ZNF487: variants seen among roughly 807,000 people sequenced by gnomAD.
The protein encoded by ZNF487 is KRAB domain only 1.
ZNF487 carries 4 observed loss-of-function variants against 3.0 expected under a neutral mutation model. The ratio of observed to expected loss-of-function variants is 1.35; its 90% confidence interval spans 0.66 to 3.08. The LOEUF (loss-of-function observed/expected upper bound fraction) is 3.08. Among genes scored for constraint, ZNF487 ranks in the 30% most tolerant of loss-of-function variants. The pLI, the probability that ZNF487 is intolerant of heterozygous loss-of-function variation, is 0.01. For missense variants in ZNF487, 146 were observed against 98.7 expected (o/e 1.48, Z -2.03); for synonymous variants, 55 against 34.6 (o/e 1.59, Z -2.06).
rs113142214 is a variant in ZNF487, at chr10:43,483,018, T to C, written c.*1096T>C. On this transcript the variant is annotated 3_prime_UTR_variant, in exon 4 of 4. Coordinates refer to ENST00000437590, the MANE Select transcript of ZNF487 (RefSeq NM_001355444.3). ...ACCCTATGAATATAATGAAAGCTTT[T>C]ACCAGAATCCCAACTTCACTAAATG... 2.3e-4 allele frequency: 108 copies of C among 479,772 alleles called. No individual in the cohort carries two copies. In the Middle Eastern group the frequency reaches 2.6e-3, roughly 11 times the overall value. The allele number at this position is 479,772 out of a possible 1,614,324, so 29.7% of individuals were successfully genotyped here.
intron 1 of ZNF487, among the ~76,000 whole-genome samples, chr10:43,467,552 C>G (rs1840751200): frequency 6.6e-6 from 1 of 151,984 alleles, no homozygotes; most frequent in African/African-American, 2.4e-5. Context: ...CGTTGTGACT[C>G]ATGCCTGTAA....
At chr10:43,485,483 T>C (rs1327830703), downstream of ZNF487, among the ~76,000 whole-genome samples, 1 of 152,172 alleles carries the variant, frequency 6.6e-6, no homozygotes, top group Admixed American at 6.6e-5. Context: ...CTAAAATTGT[T>C]CTCTTTTTGC....
chr10:43,440,054 A>ATGTTT (rs201307017), intron 1 of ZNF487, among the ~76,000 whole-genome samples: 2 of 147,638 alleles, frequency 1.4e-5, no homozygotes. Flanking sequence ...ATATATATAT[A>ATGTTT]TTTTTTTTTT....
the ZNF487 span, among the ~76,000 whole-genome samples, chr10:43,516,181 T>G: frequency 1.3e-5 from 2 of 152,154 alleles, no homozygotes; most frequent in African/African-American, 4.8e-5. Flanking sequence ...AAGGTATATA[T>G]AGGGTTACTA....
chr10:43,510,044 A>C, the ZNF487 span, among the ~76,000 whole-genome samples: 1 of 152,222 alleles, frequency 6.6e-6, no homozygotes, highest in South Asian at 2.1e-4. Context: ...ACATAAAGTT[A>C]ACAATACATA....
the ZNF487 span, among the ~76,000 whole-genome samples, chr10:43,510,855 CCTT>C: frequency 6.6e-6 from 1 of 152,174 alleles, no homozygotes; most frequent in Non-Finnish European, 1.5e-5. Context: ...CCTGTAACTC[CCTT>C]CTTAGCCGGT....
intron 1 of ZNF487, among the ~76,000 whole-genome samples, chr10:43,449,867 A>AC (rs1467439989): frequency 1.3e-5 from 2 of 152,006 alleles, no homozygotes; most frequent in Non-Finnish European, 2.9e-5. Context: ...ATTAGTAGAG[A>AC]CGGGGTTTCC....
intron 1 of ZNF487, among the ~76,000 whole-genome samples, chr10:43,439,025 G>A (rs4559639): frequency 0.34 from 51,956 of 151,724 alleles, 10,443 homozygotes; most frequent in African/African-American, 0.57. Flanking sequence ...GTGGATCAGA[G>A]GGTCAGGAGT....
chr10:43,439,907 T>C (rs1202063850), intron 1 of ZNF487, among the ~76,000 whole-genome samples: 5 of 152,046 alleles, frequency 3.3e-5, no homozygotes, highest in African/African-American at 1.2e-4. Context: ...TAAGGAGGAA[T>C]GGGAAGTTGT....
rs556679435 is a variant in ZNF487 at position 43,482,047 on chromosome 10, G to A, written c.*125G>A. On this transcript the variant is annotated 3_prime_UTR_variant, in exon 4 of 4. Transcript: ENST00000437590. ...GAGGAGGTCTGGTGAGAGGCCACCT[G>A]TAAATAAACACCACAGGGTTATGGA... 1.7e-6 allele frequency: 1 copy of A among 580,724 alleles called. No homozygotes were observed. The highest frequency in any genetic ancestry group is 2.3e-5 in the South Asian group (1 of 43,302). The allele number at this position is 580,724 out of a possible 1,614,324, so 36.0% of individuals were successfully genotyped here.
At chr10:43,467,436 C>T (rs1323632778) in intron 1 of ZNF487, among the ~76,000 whole-genome samples, 3 of 151,952 alleles carry the variant, frequency 2.0e-5, no homozygotes, top group Non-Finnish European at 4.4e-5. Flanking sequence ...AACTCCTGAC[C>T]TCGTGATCTG....
chr10:43,504,293 CTTTT>C, the ZNF487 span, among the ~76,000 whole-genome samples: 2 of 108,984 alleles, frequency 1.8e-5, no homozygotes, highest in Admixed American at 1.2e-4. Context: ...TTCTTTCTTT[CTTTT>C]TTTTTTTTTT....
intron 1 of ZNF487, among the ~76,000 whole-genome samples, chr10:43,442,516 T>C (rs1237341870): frequency 6.6e-6 from 1 of 152,176 alleles, no homozygotes; most frequent in Non-Finnish European, 1.5e-5. Context: ...CGATCTCGGC[T>C]CACTGCAACC....
intron 3 of ZNF487, among the ~76,000 whole-genome samples, chr10:43,480,605 G>A (rs1343475807): frequency 1.3e-5 from 2 of 148,774 alleles, no homozygotes; most frequent in Admixed American, 6.7e-5. Flanking sequence ...TAGTAGAGAT[G>A]GGGTTTTGCC....
the ZNF487 span, among the ~76,000 whole-genome samples, chr10:43,522,596 C>T: frequency 6.6e-5 from 10 of 151,760 alleles, no homozygotes; most frequent in African/African-American, 9.7e-5. Context: ...CAGCCAGGCA[C>T]GGTGGCGGGT....
chr10:43,519,977 T>C, the ZNF487 span, among the ~76,000 whole-genome samples: 2 of 152,330 alleles, frequency 1.3e-5, no homozygotes, highest in Middle Eastern at 3.4e-3. Flanking sequence ...AAGTGAAAAG[T>C]GGTTAAAGCA....
Position 43,455,055 on chromosome 10 carries a change from C to T in ZNF487, c.-94+17793C>T, listed in dbSNP as rs113389494. 7.4e-3 allele frequency among the ~76,000 whole-genome samples: 1,091 copies of T among 146,492 alleles called. 13 individuals are homozygous for T. Among genetic ancestry groups the T allele is most frequent in the African/African-American group, 0.026 (1,031 of 39,600 alleles). ...AGACAGTCTCGCTCTGTTGCCCCGT[C>T]CGGAGTGCAGTGGGTCCATCTCGGC... On this transcript the variant is annotated intron_variant, in intron 1 of 3. Transcript: ENST00000437590.
chr10:43,494,964 A>C, the ZNF487 span, among the ~76,000 whole-genome samples: 1 of 151,130 alleles, frequency 6.6e-6, no homozygotes, highest in Non-Finnish European at 1.5e-5. Context: ...AGCACGCTGG[A>C]AGAAAATACT....
At chr10:43,456,845 T>C (rs1434309830) in intron 1 of ZNF487, among the ~76,000 whole-genome samples, 1 of 152,232 alleles carries the variant, frequency 6.6e-6, no homozygotes, top group African/African-American at 2.4e-5. Flanking sequence ...CCTCCCAAAG[T>C]GTTGGGATTA....
Sources: allele counts gnomAD v4.1 joint callset (sites outside exome capture counted in the v4.1 genomes callset), GRCh38; gene constraint gnomAD v4.1.1; transcripts MANE v1.5; gene names NCBI Gene and HGNC (gene_info 2026-07-23, HGNC 2026-07-21).